The following TCTN2 variants were observed in gnomAD, a reference collection of about 807,000 sequenced individuals.
TCTN2 encodes tectonic-2.
Under a neutral mutation model 83.4 loss-of-function variants are expected in TCTN2, and 66 were observed. The observed-to-expected ratio is 0.79, with a 90% CI of 0.65 to 0.97. The LOEUF is 0.97. Among genes scored for constraint, TCTN2 ranks in the 50% least tolerant of loss-of-function variants. The pLI is 0.00. For synonymous variants in TCTN2, 301 were observed against 326.7 expected (o/e 0.92, Z 0.85); for missense variants, 794 against 858.1 (o/e 0.93, Z 0.93).
chr12:123,675,246 A>G (rs887435610), intron 4 of TCTN2, among the ~76,000 whole-genome samples: 2 of 152,110 alleles, frequency 1.3e-5, no homozygotes, highest in East Asian at 3.9e-4. Flanking sequence ...GACATGAGAA[A>G]ATGGTTTTGT....
chr12:123,685,611 G>T (rs924253696), intron 5 of TCTN2, among the ~76,000 whole-genome samples: 4 of 151,568 alleles, frequency 2.6e-5, no homozygotes, highest in African/African-American at 4.8e-5. Flanking sequence ...TAGAGATGGG[G>T]TTTCACCATG....
intron 6 of TCTN2, 149 bp from the exon 7 acceptor site, chr12:123,687,902 A>G: frequency 1.0e-6 from 1 of 995,786 alleles, no homozygotes. Flanking sequence ...AGGCGGAGGT[A>G]GCAGTGAACA....
At chr12:123,704,310 A>G (rs947357051) in intron 14 of TCTN2, among the ~76,000 whole-genome samples, 3 of 152,110 alleles carry the variant, frequency 2.0e-5, no homozygotes, top group African/African-American at 7.2e-5. Context: ...GGCCCATACA[A>G]GGAAACATTT....
intron 4 of TCTN2, among the ~76,000 whole-genome samples, chr12:123,675,787 G>C (rs1955813386): frequency 6.6e-6 from 1 of 152,008 alleles, no homozygotes; most frequent in South Asian, 2.1e-4. Flanking sequence ...TGACAGTGAG[G>C]AATTTTTTAA....
chr12:123,701,998 C>A (rs1463360707), intron 14 of TCTN2, among the ~76,000 whole-genome samples: 1 of 152,158 alleles, frequency 6.6e-6, no homozygotes, highest in Non-Finnish European at 1.5e-5. Flanking sequence ...TCCAGCTCAT[C>A]GGGTTATGTT....
intron 5 of TCTN2, among the ~76,000 whole-genome samples, chr12:123,683,161 T>G (rs1955920343): frequency 6.6e-6 from 1 of 151,364 alleles, no homozygotes; most frequent in Non-Finnish European, 1.5e-5. Flanking sequence ...AGGCAGAGGT[T>G]GCAGTGAGCC....
chr12:123,700,364 C>A (rs141372649), intron 14 of TCTN2, among the ~76,000 whole-genome samples: 1 of 152,158 alleles, frequency 6.6e-6, no homozygotes, highest in Non-Finnish European at 1.5e-5. Flanking sequence ...AGCAGTGGCT[C>A]ACACTTATAA....
rs1214447442 is a variant in TCTN2, at chr12:123,708,192, CTTG to C, written c.*483_*485del. ...ATTTTTGGTAAAGACGGGGTTTCGC[CTTG>C]TTGCCCAGGGTGGTCTGTAACTCCT... On this transcript the variant is annotated 3_prime_UTR_variant, in exon 18 of 18. Coordinates refer to ENST00000303372, the MANE Select transcript of TCTN2 (RefSeq NM_024809.5). The C allele has an allele frequency of 5.3e-6, 1 of 188,390 alleles. No homozygotes were observed. Among genetic ancestry groups the C allele is most frequent in the Non-Finnish European group, 1.1e-5 (1 of 90,354 alleles). 11.7% of individuals were successfully genotyped at this position (188,390 alleles called of 1,614,324 possible).
chr12:123,704,605 TCACCTGAG>T lies in TCTN2; in HGVS notation c.1689_1696del (p.Leu564ProfsTer39). ...ACGGCATGTGCCTGGATATTCCTGCTCACCTGAGCATCCGCATCCTCATCTCGGATGCT... is the reference window on the plus strand; with the variant it reads ...ACGGCATGTGCCTGGATATTCCTGCTCATCCGCATCCTCATCTCGGATGCT... On this transcript the variant is annotated frameshift_variant, in exon 15 of 18. Coordinates refer to ENST00000303372, the MANE Select transcript of TCTN2 (RefSeq NM_024809.5). LOFTEE classifies it high-confidence loss of function. 1 of 1,613,510 alleles carries T rather than the reference TCACCTGAG, an allele frequency of 6.2e-7. No individual in the cohort carries two copies. Among genetic ancestry groups the T allele is most frequent in the Non-Finnish European group, 8.5e-7 (1 of 1,179,914 alleles).
chr12:123,704,226 C>G (rs952996518), intron 14 of TCTN2, among the ~76,000 whole-genome samples: 5 of 151,930 alleles, frequency 3.3e-5, no homozygotes, highest in African/African-American at 1.2e-4. Context: ...AGAATGGTCT[C>G]GATCTCTTGA....
At chr12:123,680,654 C>T (rs1184894899) in intron 5 of TCTN2, among the ~76,000 whole-genome samples, 4 of 151,102 alleles carry the variant, frequency 2.6e-5, no homozygotes, top group Non-Finnish European at 4.4e-5. Context: ...GTAACTGGAA[C>T]TACAGGTGTG....
chr12:123,675,231 C>G (rs1163541356), intron 4 of TCTN2, among the ~76,000 whole-genome samples: 1 of 152,164 alleles, frequency 6.6e-6, no homozygotes, highest in Non-Finnish European at 1.5e-5. Context: ...GTACATGAAT[C>G]TTTGGACATG....
chr12:123,676,940 G>A (rs545654270), intron 4 of TCTN2, among the ~76,000 whole-genome samples: 78 of 152,274 alleles, frequency 5.1e-4, no homozygotes, highest in African/African-American at 1.9e-3. Context: ...CACTTTGGGA[G>A]GCCAAGATGG....
chr12:123,673,125 T>G (rs1955777126), intron 3 of TCTN2, among the ~76,000 whole-genome samples: 1 of 152,196 alleles, frequency 6.6e-6, no homozygotes, highest in Admixed American at 6.5e-5. Flanking sequence ...CTGGAGAGAT[T>G]AAGCATCTTC....
chr12:123,704,402 G>T, intron 14 of TCTN2, 130 bp from the exon 15 acceptor site: 1 of 904,202 alleles, frequency 1.1e-6, no homozygotes. Context: ...AGTAACTAGA[G>T]CCTGTAAGAG....
intron 7 of TCTN2, among the ~76,000 whole-genome samples, chr12:123,689,903 C>G (rs959568256): frequency 2.0e-5 from 3 of 152,054 alleles, no homozygotes; most frequent in Non-Finnish European, 4.4e-5. Context: ...TGGGCTCAAG[C>G]AATCCTCCCA....
chr12:123,693,879 G>A (rs910740251), intron 9 of TCTN2, among the ~76,000 whole-genome samples: 5 of 151,474 alleles, frequency 3.3e-5, no homozygotes, highest in Middle Eastern at 3.2e-3. Context: ...GTGCAATAGG[G>A]TGATCTCAGC....
intron 5 of TCTN2, 105 bp from the exon 6 acceptor site, chr12:123,686,731 T>C: frequency 3.7e-6 from 4 of 1,092,120 alleles, no homozygotes; most frequent in Non-Finnish European, 5.6e-6. Context: ...TTTTCTTGCT[T>C]ACTTGGTAGT....
intron 5 of TCTN2, 111 bp downstream of exon 5, chr12:123,679,400 C>T (rs1431556951): frequency 9.9e-7 from 1 of 1,010,362 alleles, no homozygotes; most frequent in Non-Finnish European, 1.5e-6. Flanking sequence ...CTTGCTCTGT[C>T]ACCCAGGCTG....
Sources: gnomAD v4.1 joint callset for allele counts (sites outside exome capture counted in the v4.1 genomes callset) on GRCh38, gnomAD v4.1.1 for gene constraint, MANE v1.5 for transcripts, NCBI Gene and HGNC (gene_info 2026-07-23, HGNC 2026-07-21) for gene names.